The following PRH1 variants were observed in gnomAD, a reference collection of about 807,000 sequenced individuals.
The protein encoded by PRH1 is salivary acidic proline-rich phosphoprotein 1/2.
In PRH1, 7 loss-of-function variants were observed where a neutral mutation model predicts 7.9. The ratio of observed to expected loss-of-function variants is 0.89; its 90% CI spans 0.50 to 1.67. The LOEUF is 1.67. Ranked by LOEUF, PRH1 falls within the 40% of genes most tolerant of loss-of-function variation. The pLI is 0.00. For missense variants in PRH1, 109 were observed against 223.6 expected (o/e 0.49, Z 3.27); for synonymous variants, 45 against 80.8 (o/e 0.56, Z 2.38).
chr12:10,930,920 C>T (rs1218085200), intron 2 of PRH1: 1 of 1,608,136 alleles, frequency 6.2e-7, no homozygotes, highest in African/African-American at 1.3e-5. Flanking sequence ...CATCCCCGTC[C>T]TCCTCGAGGA....
intron 1 of PRH1, among the ~76,000 whole-genome samples, chr12:11,072,004 T>G (rs1225870459): frequency 6.6e-6 from 1 of 152,062 alleles, no homozygotes; most frequent in Non-Finnish European, 1.5e-5. Context: ...GAACCAGGCC[T>G]CACTCTTTTT....
At chr12:11,082,893 C>T (rs1411580961) in intron 1 of PRH1, among the ~76,000 whole-genome samples, 1 of 112,436 alleles carries the variant, frequency 8.9e-6, no homozygotes, top group South Asian at 2.4e-4. Flanking sequence ...TAAATTCTCT[C>T]AACTGCTTAA....
intron 1 of PRH1, among the ~76,000 whole-genome samples, chr12:11,037,457 A>T (rs1942482277): frequency 1.3e-5 from 2 of 152,378 alleles, no homozygotes; most frequent in East Asian, 3.8e-4. Flanking sequence ...TTACAGGTGT[A>T]CATGTGAATA....
chr12:10,991,303 G>A (rs1188106658), intron 1 of PRH1, among the ~76,000 whole-genome samples: 3 of 152,078 alleles, frequency 2.0e-5, no homozygotes, highest in Admixed American at 1.3e-4. Context: ...ACTGTACCAA[G>A]TACAATAAGT....
intron 1 of PRH1, among the ~76,000 whole-genome samples, chr12:11,087,049 C>A (rs1490436392): frequency 1.0e-5 from 1 of 99,248 alleles, no homozygotes; most frequent in Non-Finnish European, 2.4e-5. Context: ...TGTTCATTAT[C>A]GATTCGATAC....
intron 1 of PRH1, among the ~76,000 whole-genome samples, chr12:11,062,848 A>C (rs1466903948): frequency 1.3e-5 from 2 of 152,104 alleles, no homozygotes; most frequent in African/African-American, 4.8e-5. Context: ...TGCTTTTATC[A>C]AAAATATCTA....
intron 2 of PRH1, chr12:10,938,660 C>T (rs1179320273): frequency 6.2e-7 from 1 of 1,613,984 alleles, no homozygotes; most frequent in Non-Finnish European, 8.5e-7. Flanking sequence ...GAACACAGTG[C>T]TGGTTAATAC....
At chr12:11,085,066 C>T (rs1334912035) in intron 1 of PRH1, among the ~76,000 whole-genome samples, 2 of 114,128 alleles carry the variant, frequency 1.8e-5, no homozygotes, top group South Asian at 2.4e-4. Context: ...GTGATCCACC[C>T]ACCTTGGCCT....
chr12:11,091,960 C>T (rs144614950), intron 1 of PRH1: 33,062 of 1,074,188 alleles, frequency 0.031, 10,118 homozygotes, highest in Middle Eastern at 0.05. Context: ...AATGGTTGAT[C>T]ACTGCCCAGA....
intron 1 of PRH1, among the ~76,000 whole-genome samples, chr12:10,980,121 T>A (rs1939284142): frequency 6.6e-6 from 1 of 152,080 alleles, no homozygotes; most frequent in African/African-American, 2.4e-5. Flanking sequence ...ACCTAAAAAG[T>A]AAGAGCCAAA....
Position 10,981,365 on chromosome 12 carries a change from A to G in PRH1, c.-125-7644T>C, listed in dbSNP as rs200994419. ...TACGGTGGCAAATTTTTACTTCTGG[A>G]TTTTTTTTTTTTTTTTTTTTTTTTT... On this transcript the variant is annotated intron_variant, in intron 1 of 3. Coordinates refer to the PRH1 transcript ENST00000539853. 1.4e-3 allele frequency among the ~76,000 whole-genome samples: 155 copies of G among 111,596 alleles called. 6 individuals are homozygous for G. The East Asian group carries it at 0.05, about 36-fold the overall frequency. 73.2% of individuals were successfully genotyped at this position (111,596 alleles called of 152,430 possible). A position where few individuals can be genotyped will look rare whatever the true frequency, so the allele number is the denominator to read the frequency against.
chr12:11,052,090 CT>C (rs1042965367), upstream of PRH1, among the ~76,000 whole-genome samples: 5 of 152,280 alleles, frequency 3.3e-5, no homozygotes, highest in African/African-American at 1.2e-4. Context: ...TTCCTGTCAC[CT>C]TTATCTCCAG....
At chr12:10,891,469 G>T (rs919042365) in intron 2 of PRH1, 1 of 152,128 alleles carries the variant, frequency 6.6e-6, no homozygotes, top group African/African-American at 2.4e-5. Context: ...CATAATAGAA[G>T]AATATTTATT....
chr12:10,907,959 T>A (rs1949830125), intron 2 of PRH1: 1 of 160,388 alleles, frequency 6.2e-6, no homozygotes, highest in African/African-American at 2.4e-5. Flanking sequence ...CTATTCCAAA[T>A]AACTGTTCTA....
intron 1 of PRH1, among the ~76,000 whole-genome samples, chr12:11,053,802 T>C (rs1298488323): frequency 6.6e-6 from 1 of 152,178 alleles, no homozygotes; most frequent in Non-Finnish European, 1.5e-5. Context: ...CTATTATTCA[T>C]CCTCATGGCT....
intron 2 of PRH1, among the ~76,000 whole-genome samples, chr12:10,954,317 A>G (rs1937842740): frequency 6.6e-6 from 1 of 152,212 alleles, no homozygotes; most frequent in Non-Finnish European, 1.5e-5. Context: ...ACATAGAGGC[A>G]ATTTGGATAA....
intron 2 of PRH1, among the ~76,000 whole-genome samples, chr12:10,966,993 T>A (rs1162467673): frequency 6.6e-6 from 1 of 151,802 alleles, no homozygotes; most frequent in Admixed American, 6.6e-5. Flanking sequence ...CGGGCACCTG[T>A]AGTCCCAGCT....
At chr12:10,967,410 C>T (rs996827876) in intron 2 of PRH1, among the ~76,000 whole-genome samples, 10 of 152,082 alleles carry the variant, frequency 6.6e-5, no homozygotes, top group African/African-American at 2.4e-4. Flanking sequence ...GTATTATAAA[C>T]ACTCATGTAA....
chr12:11,091,469 C>A (rs201300744), intron 1 of PRH1: 2 of 1,197,304 alleles, frequency 1.7e-6, no homozygotes, highest in Middle Eastern at 1.8e-4. Context: ...GTTTTCCAGA[C>A]TTCCAAAACT....
Sources: allele counts gnomAD v4.1 joint callset (sites outside exome capture counted in the v4.1 genomes callset), GRCh38; gene constraint gnomAD v4.1.1; transcripts MANE v1.5; gene names NCBI Gene and HGNC (gene_info 2026-07-23, HGNC 2026-07-21).